DLGAP1: variants seen among roughly 807,000 people sequenced by gnomAD.
The protein encoded by DLGAP1 is DLG associated protein 1, also known as disks large-associated protein 1.
DLGAP1 carries 11 observed loss-of-function variants against 90.8 expected under a neutral mutation model. The ratio of observed to expected loss-of-function variants is 0.12; its 90% CI spans 0.08 to 0.20. DLGAP1 has a LOEUF of 0.20. Ranked by LOEUF, DLGAP1 falls within the 10% of genes least tolerant of loss-of-function variation. DLGAP1 has a pLI of 1.00. For missense variants in DLGAP1, 1,050 were observed against 1,333.8 expected, an observed-to-expected ratio of 0.79 and a Z score of 3.31; for synonymous variants, 558 against 540.7, an observed-to-expected ratio of 1.03 and a Z score of -0.44.
chr18:3,748,089 A>G (rs1399945312), intron 5 of DLGAP1, among the ~76,000 whole-genome samples: 1 of 152,136 alleles, frequency 6.6e-6, no homozygotes, highest in Non-Finnish European at 1.5e-5. Context: ...ACGAAATGGC[A>G]CTCTTCTTTT....
intron 1 of DLGAP1, among the ~76,000 whole-genome samples, chr18:4,315,781 C>T (rs1367218948): frequency 6.7e-6 from 1 of 148,762 alleles, no homozygotes; most frequent in East Asian, 2.0e-4. Context: ...TTGCCTCTAA[C>T]ATTTGCATGA....
chr18:3,991,229 T>C (rs539088169), intron 3 of DLGAP1, among the ~76,000 whole-genome samples: 1 of 152,188 alleles, frequency 6.6e-6, no homozygotes, highest in South Asian at 2.1e-4. Flanking sequence ...CACAAGCCCA[T>C]TCTGAGATTT....
intron 3 of DLGAP1, among the ~76,000 whole-genome samples, chr18:3,955,217 G>GT (rs1225825417): frequency 1.3e-5 from 2 of 152,168 alleles, no homozygotes; most frequent in African/African-American, 2.4e-5. Context: ...TCTTGTTTTA[G>GT]TAAGTGGGGA....
intron 7 of DLGAP1, among the ~76,000 whole-genome samples, chr18:3,648,501 A>G (rs1053076165): frequency 6.6e-6 from 1 of 152,234 alleles, no homozygotes; most frequent in Admixed American, 6.5e-5. Flanking sequence ...AGTTGTCTAC[A>G]TTATGGTGTG....
At position 3,629,651 on chromosome 18, in the gene DLGAP1, A is replaced by G. The variant is rs549887331; in HGVS notation, c.1592-47403T>C. On this transcript the variant is annotated intron_variant, in intron 7 of 12. Transcript: ENST00000315677. ...CGCGCCACCGCACTCCAGCCTGGGCAACAGAGTGAGACTCTGTCTCAAAAA... is the reference window on the plus strand; with the variant it reads ...CGCGCCACCGCACTCCAGCCTGGGCGACAGAGTGAGACTCTGTCTCAAAAA... Among the ~76,000 whole-genome samples the G allele has an allele frequency of 1.1e-3, 164 of 152,210 alleles. 1 individual carries two copies. The highest frequency in any genetic ancestry group is 1.9e-3 in the African/African-American group (77 of 41,544).
rs1246615742 is a variant in DLGAP1 at position 4,299,648 on chromosome 18, T to C, written c.-266-148361A>G. ...AAGAGAGTGAAAAAATTAAAAGTTA[T>C]TAATACATGTTCTGTATTCCTCCCT... On this transcript the variant is annotated intron_variant, in intron 1 of 12. Transcript: ENST00000315677. Among the ~76,000 whole-genome samples the C allele has an allele frequency of 7.9e-5, 12 of 152,292 alleles. No individual in the cohort carries two copies. The East Asian group carries it at 2.1e-3, about 27-fold the overall frequency.
At chr18:3,549,668 C>T (rs753155734) in intron 9 of DLGAP1, among the ~76,000 whole-genome samples, 3 of 152,070 alleles carry the variant, frequency 2.0e-5, no homozygotes, top group Non-Finnish European at 4.4e-5. Context: ...CACTTCCGGT[C>T]TGTCCCTGTA....
At chr18:3,878,023 A>C (rs867704316) in intron 4 of DLGAP1, among the ~76,000 whole-genome samples, 4 of 152,314 alleles carry the variant, frequency 2.6e-5, no homozygotes, top group Middle Eastern at 3.4e-3. Flanking sequence ...AGGCATTCCC[A>C]AGGGAGCCAG....
At chr18:4,203,458 A>G (rs1459855261) in intron 1 of DLGAP1, among the ~76,000 whole-genome samples, 1 of 152,210 alleles carries the variant, frequency 6.6e-6, no homozygotes, top group Non-Finnish European at 1.5e-5. Flanking sequence ...TCTTTAATAT[A>G]GAAGCAGATA....
At chr18:4,380,792 A>G (rs2082098945) in intron 1 of DLGAP1, among the ~76,000 whole-genome samples, 1 of 152,208 alleles carries the variant, frequency 6.6e-6, no homozygotes. Context: ...TTGATGAGAT[A>G]CATCTTTGTC....
intron 7 of DLGAP1, among the ~76,000 whole-genome samples, chr18:3,717,401 A>C (rs1304730030): frequency 1.3e-5 from 2 of 152,198 alleles, no homozygotes; most frequent in African/African-American, 4.8e-5. Flanking sequence ...TGGACAAGAA[A>C]GTGCAGAGAA....
chr18:4,407,507 C>T (rs1453765054), intron 1 of DLGAP1, among the ~76,000 whole-genome samples: 1 of 152,214 alleles, frequency 6.6e-6, no homozygotes, highest in Non-Finnish European at 1.5e-5. Flanking sequence ...CAGAACCTAG[C>T]ATTGGCATTA....
intron 7 of DLGAP1, among the ~76,000 whole-genome samples, chr18:3,703,320 T>A (rs1253997395): frequency 6.6e-6 from 1 of 152,230 alleles, no homozygotes; most frequent in African/African-American, 2.4e-5. Context: ...TTACTCCAAA[T>A]GCCACTGGGC....
intron 3 of DLGAP1, among the ~76,000 whole-genome samples, chr18:3,905,315 C>T (rs1041954265): frequency 2.4e-5 from 3 of 127,198 alleles, no homozygotes; most frequent in South Asian, 2.7e-4. Context: ...TGCAGTGAAC[C>T]GAGATCACGC....
intron 1 of DLGAP1, among the ~76,000 whole-genome samples, chr18:4,187,315 T>TGG (rs1423639161): frequency 2.6e-5 from 4 of 152,136 alleles, no homozygotes; most frequent in Non-Finnish European, 5.9e-5. Context: ...CAGAGCATCC[T>TGG]TGTCTTGTGC....
At chr18:3,964,206 T>C (rs951088122) in intron 3 of DLGAP1, among the ~76,000 whole-genome samples, 1 of 152,160 alleles carries the variant, frequency 6.6e-6, no homozygotes, top group Non-Finnish European at 1.5e-5. Context: ...AAAGGGGCAG[T>C]GCAGACAGGA....
intron 10 of DLGAP1, among the ~76,000 whole-genome samples, chr18:3,524,899 CA>C (rs1340852316): frequency 1.3e-5 from 2 of 152,190 alleles, no homozygotes; most frequent in Non-Finnish European, 2.9e-5. Context: ...CTGCCATCAA[CA>C]AAACGTCTCC....
At position 4,073,171 on chromosome 18, in the gene DLGAP1, G is replaced by C. The variant is rs2075474487; in HGVS notation, c.-158-67970C>G. Among the ~76,000 whole-genome samples, 4 of 152,310 alleles carry C rather than the reference G, an allele frequency of 2.6e-5. No individual in the cohort carries two copies. The South Asian group carries it at 8.3e-4, about 32-fold the overall frequency. On this transcript the variant is annotated intron_variant, in intron 2 of 12. Transcript: ENST00000315677. ...AGCTTAGAAAAACGGGATGACATCA[G>C]CCTGCTTACTAGGCTTCCTCCCTTA...
chr18:3,874,546 CA>C lies in DLGAP1; in HGVS notation c.957+4565del, dbSNP rs1214349071. Reference sequence around the variant, plus strand: ...TTTAAAAGCAAAAACAAAACAACAACAAAAACCACCTTTTATTCTATCTCTG... The same window carrying C: ...TTTAAAAGCAAAAACAAAACAACAACAAAACCACCTTTTATTCTATCTCTG... On this transcript the variant is annotated intron_variant, in intron 4 of 12. Coordinates refer to ENST00000315677, the MANE Select transcript of DLGAP1 (RefSeq NM_004746.4). 5.4e-6 allele frequency: 8 copies of C among 1,468,604 alleles called. No homozygotes were observed. In the Admixed American group the frequency reaches 1.6e-4, roughly 29 times the overall value. The allele number at this position is 1,468,604 out of a possible 1,614,324, so 91.0% of individuals were successfully genotyped here. A position where few individuals can be genotyped will look rare whatever the true frequency, so the allele number is the denominator to read the frequency against.
Sources: allele counts gnomAD v4.1 joint callset (sites outside exome capture counted in the v4.1 genomes callset), GRCh38; gene constraint gnomAD v4.1.1; transcripts MANE v1.5; gene names NCBI Gene and HGNC (gene_info 2026-07-23, HGNC 2026-07-21).